Variants in FANCC observed in about 807,000 individuals in gnomAD.
FANCC encodes the protein FA complementation group C.
Under a neutral mutation model 71.3 loss-of-function variants are expected in FANCC, and 55 were observed. That is an observed-to-expected ratio of 0.77 (90% CI 0.62 to 0.97). The LOEUF is 0.97. Ranked by LOEUF, FANCC falls within the 50% of genes least tolerant of loss-of-function variation. The pLI is 0.00. For missense variants in FANCC, 678 were observed against 670.9 expected, an observed-to-expected ratio of 1.01 and a Z score of -0.12; for synonymous variants, 275 against 244.9, an observed-to-expected ratio of 1.12 and a Z score of -1.15.
chr9:95,260,684 T>TAA lies in FANCC; in HGVS notation c.-78-11316_-78-11315insTT, dbSNP rs542398381. On this transcript the variant is annotated intron_variant, in intron 1 of 14. Transcript: ENST00000289081. ...TGCACATGTATCTCAGAACTTAAAA[T>TAA]ATAAAAAAAAAAAAAAAACTTCCAG... Among the ~76,000 whole-genome samples the TAA allele has an allele frequency of 6.6e-3, 860 of 130,216 alleles. 10 individuals carry two copies. The highest frequency in any genetic ancestry group is 0.014 in the African/African-American group (490 of 34,904). The allele number at this position is 130,216 out of a possible 152,430, so 85.4% of individuals were successfully genotyped here. A position where few individuals can be genotyped will look rare whatever the true frequency, so the allele number is the denominator to read the frequency against.
chr9:95,215,021 T>C (rs1828769957), intron 4 of FANCC, among the ~76,000 whole-genome samples: 1 of 152,110 alleles, frequency 6.6e-6, no homozygotes, highest in South Asian at 2.1e-4. Context: ...AAATATATGA[T>C]AAAAAGTTTA....
At chr9:95,179,539 G>T (rs958645834) in intron 4 of FANCC, among the ~76,000 whole-genome samples, 4 of 152,110 alleles carry the variant, frequency 2.6e-5, no homozygotes, top group African/African-American at 9.7e-5. Context: ...TGGAGATAAG[G>T]ATTCACCATG....
intron 1 of FANCC, among the ~76,000 whole-genome samples, chr9:95,313,272 C>T (rs1835521173): frequency 6.6e-6 from 1 of 152,140 alleles, no homozygotes; most frequent in Admixed American, 6.5e-5. Flanking sequence ...GCTAGAAAGC[C>T]GCACACACTA....
intron 1 of FANCC, among the ~76,000 whole-genome samples, chr9:95,296,374 T>C (rs1237684217): frequency 6.6e-6 from 1 of 152,182 alleles, no homozygotes; most frequent in Admixed American, 6.5e-5. Flanking sequence ...CAAGGAAAAC[T>C]TTGAAGAAAT....
intron 1 of FANCC, among the ~76,000 whole-genome samples, chr9:95,284,897 CACACACAA>C (rs1040448589): frequency 6.6e-6 from 1 of 151,432 alleles, no homozygotes; most frequent in Non-Finnish European, 1.5e-5. Flanking sequence ...CACACACACA[CACACACAA>C]ACATACGCAT....
intron 10 of FANCC, among the ~76,000 whole-genome samples, chr9:95,120,469 C>T (rs972812276): frequency 4.0e-5 from 6 of 150,784 alleles, no homozygotes; most frequent in African/African-American, 1.2e-4. Flanking sequence ...GGCTGGAGTG[C>T]AGTGGTGTGA....
At chr9:95,292,396 G>C in intron 1 of FANCC, 1 of 1,043,134 alleles carries the variant, frequency 9.6e-7, no homozygotes, top group Non-Finnish European at 1.2e-6. Context: ...GCGGGTGCCC[G>C]CGCCGTCCCG....
chr9:95,303,671 ATC>A (rs767791617), intron 1 of FANCC, among the ~76,000 whole-genome samples: 6 of 151,918 alleles, frequency 3.9e-5, no homozygotes, highest in Admixed American at 2.6e-4. Context: ...GTGGGGAGAG[ATC>A]TCTCTCTCTA....
chr9:95,223,913 G>A (rs1167055590), intron 4 of FANCC, among the ~76,000 whole-genome samples: 2 of 152,214 alleles, frequency 1.3e-5, no homozygotes, highest in African/African-American at 4.8e-5. Context: ...GGAGGCAGAA[G>A]TGGTGGTGAG....
chr9:95,191,687 G>A (rs1047973645), intron 4 of FANCC, among the ~76,000 whole-genome samples: 2 of 152,002 alleles, frequency 1.3e-5, no homozygotes, highest in African/African-American at 4.8e-5. Context: ...TGCCACCCAA[G>A]AACATGATTC....
chr9:95,149,894 C>G (rs1468625456), intron 7 of FANCC, 29 bp downstream of exon 7: 1 of 1,573,946 alleles, frequency 6.4e-7, no homozygotes, highest in African/African-American at 1.3e-5. Flanking sequence ...AAAAACGACG[C>G]AGGATGACAG....
intron 4 of FANCC, among the ~76,000 whole-genome samples, chr9:95,191,010 G>C (rs1042011918): frequency 6.8e-6 from 1 of 148,058 alleles, no homozygotes; most frequent in Admixed American, 6.7e-5. Context: ...TATAGTCCCG[G>C]GATTTTGGAT....
At chr9:95,201,006 G>A (rs1265470916) in intron 4 of FANCC, among the ~76,000 whole-genome samples, 4 of 152,156 alleles carry the variant, frequency 2.6e-5, no homozygotes, top group East Asian at 1.9e-4. Context: ...GTAAACTGTA[G>A]TACATTTCCC....
chr9:95,139,836 A>ATATATATATATATAAATATATATATT (rs1828338931), intron 7 of FANCC, among the ~76,000 whole-genome samples: 4 of 144,192 alleles, frequency 2.8e-5, no homozygotes, highest in African/African-American at 1.0e-4. Context: ...ATATATATTT[A>ATATATATATATATAAATATATATATT]TATATATATA....
intron 10 of FANCC, chr9:95,123,883 A>G (rs907301504): frequency 3.7e-5 from 20 of 535,758 alleles, no homozygotes; most frequent in South Asian, 1.3e-4. Context: ...TTGAGTCCTT[A>G]AAGTCTGAAG....
chr9:95,264,081 C>G (rs1224870824), intron 1 of FANCC, among the ~76,000 whole-genome samples: 1 of 152,194 alleles, frequency 6.6e-6, no homozygotes, highest in Non-Finnish European at 1.5e-5. Flanking sequence ...AATCACAGCC[C>G]CGTGTCCTCA....
intron 1 of FANCC, among the ~76,000 whole-genome samples, chr9:95,298,619 G>A (rs142528797): frequency 4.6e-5 from 7 of 152,300 alleles, no homozygotes; most frequent in East Asian, 3.9e-4. Flanking sequence ...TGAAGAAAAC[G>A]TCTTGTACCC....
At chr9:95,182,797 C>A (rs1044463768) in intron 4 of FANCC, among the ~76,000 whole-genome samples, 2 of 152,004 alleles carry the variant, frequency 1.3e-5, no homozygotes, top group Admixed American at 6.5e-5. Flanking sequence ...GGCATCTGAA[C>A]TGATTCTGAG....
rs75260141 is a variant in FANCC, at chr9:95,189,814, G to A, written c.346-17667C>T. Reference sequence around the variant, plus strand: ...AGTGGTACTTGCTGTGTAAAACCTTGGCCCTTGTGAATCCATGCTGCAGCT... The same window carrying A: ...AGTGGTACTTGCTGTGTAAAACCTTAGCCCTTGTGAATCCATGCTGCAGCT... On this transcript the variant is annotated intron_variant, in intron 4 of 14. Coordinates refer to ENST00000289081, the MANE Select transcript of FANCC (RefSeq NM_000136.3). Among the ~76,000 whole-genome samples the A allele has an allele frequency of 1.7e-3, 265 of 152,144 alleles. 1 individual carries two copies. The highest frequency in any genetic ancestry group is 6.1e-3 in the African/African-American group (252 of 41,502).
Sources: gnomAD v4.1 joint callset for allele counts (sites outside exome capture counted in the v4.1 genomes callset) on GRCh38, gnomAD v4.1.1 for gene constraint, MANE v1.5 for transcripts, NCBI Gene and HGNC (gene_info 2026-07-23, HGNC 2026-07-21) for gene names.